Variants in KIAA0513 observed in about 807,000 individuals in gnomAD.
KIAA0513 encodes the protein KIAA0513.
Under a neutral mutation model 56.5 loss-of-function variants are expected in KIAA0513, and 39 were observed. That is an observed-to-expected ratio of 0.69 (90% CI 0.53 to 0.90). The LOEUF (loss-of-function observed/expected upper bound fraction) is 0.90. Among genes scored for constraint, KIAA0513 ranks in the 40% least tolerant of loss-of-function variants. KIAA0513 has a pLI of 0.00. For synonymous variants in KIAA0513, 268 were observed against 215.6 expected, an observed-to-expected ratio of 1.24 and a Z score of -2.13; for missense variants, 591 against 535.2, an observed-to-expected ratio of 1.10 and a Z score of -1.03.
intron 10 of KIAA0513, among the ~76,000 whole-genome samples, chr16:85,084,668 G>T (rs1229284030): frequency 6.6e-6 from 1 of 152,052 alleles, no homozygotes; most frequent in Non-Finnish European, 1.5e-5. Flanking sequence ...ACCTCAGGTG[G>T]TCCACCTGTC....
intron 2 of KIAA0513, among the ~76,000 whole-genome samples, chr16:85,070,539 G>A (rs185530438): frequency 9.3e-4 from 141 of 152,242 alleles, no homozygotes; most frequent in Middle Eastern, 3.4e-3. Context: ...TTAGCTGGGC[G>A]TGGTGGCAGG....
At chr16:85,044,452 G>A (rs891419497) in intron 1 of KIAA0513, among the ~76,000 whole-genome samples, 1 of 152,084 alleles carries the variant, frequency 6.6e-6, no homozygotes, top group East Asian at 1.9e-4. Context: ...CTGCTGTTCT[G>A]GAAACATAGT....
chr16:85,028,826 T>C (rs1439933214), intron 1 of KIAA0513, among the ~76,000 whole-genome samples: 1 of 152,028 alleles, frequency 6.6e-6, no homozygotes, highest in Admixed American at 6.6e-5. Context: ...GCCCCTGACG[T>C]GGAAGTAGTG....
At chr16:85,050,527 G>C (rs879370776) in intron 1 of KIAA0513, among the ~76,000 whole-genome samples, 47 of 151,976 alleles carry the variant, frequency 3.1e-4, no homozygotes, top group Non-Finnish European at 6.2e-4. Flanking sequence ...TGTTGGCCAG[G>C]CTGGTCTCGA....
intron 1 of KIAA0513, among the ~76,000 whole-genome samples, chr16:85,050,378 C>T (rs2073235573): frequency 1.4e-5 from 2 of 147,274 alleles, no homozygotes. Flanking sequence ...GAGACGGACT[C>T]TTGTTCTGTC....
intron 12 of KIAA0513, among the ~76,000 whole-genome samples, chr16:85,087,721 G>T (rs1016732637): frequency 1.3e-5 from 2 of 152,216 alleles, no homozygotes; most frequent in Non-Finnish European, 2.9e-5. Context: ...CTTCTTCATC[G>T]AAAAGGACTT....
At chr16:85,064,318 T>C (rs28526601) in intron 1 of KIAA0513, among the ~76,000 whole-genome samples, 12,976 of 152,162 alleles carry the variant, frequency 0.085, 1,793 homozygotes, top group African/African-American at 0.29. Flanking sequence ...TTTTACTATA[T>C]TTAGGTATTT....
rs764686911 is a variant in KIAA0513 at position 85,050,346 on chromosome 16, TATTTATTTA to T, written c.-172-16553_-172-16545del. ...ATTGATATTTATTTATTTATTTATT[TATTTATTTA>T]TTTATTTTTTTTGAGACGGACTCTT... On this transcript the variant is annotated intron_variant, in intron 1 of 12. Transcript: ENST00000683363. Among the ~76,000 whole-genome samples the T allele has an allele frequency of 4.6e-4, 56 of 122,512 alleles. 1 individual carries two copies. Among genetic ancestry groups the T allele is most frequent in the African/African-American group, 2.2e-3 (56 of 25,746 alleles). 80.4% of individuals were successfully genotyped at this position (122,512 alleles called of 152,430 possible). A position where few individuals can be genotyped will look rare whatever the true frequency, so the allele number is the denominator to read the frequency against.
At position 85,044,992 on chromosome 16, in the gene KIAA0513, C is replaced by T. The variant is rs192826045; in HGVS notation, c.-173+17134C>T. On this transcript the variant is annotated intron_variant, in intron 1 of 12. Coordinates refer to ENST00000683363, the MANE Select transcript of KIAA0513 (RefSeq NM_001388359.1). Reference sequence around the variant, plus strand: ...AATTAGCCGGGCGTGGTGGTGGGCACCTGTAGTCCCAGCTACTTGGGAGGC... The same window carrying T: ...AATTAGCCGGGCGTGGTGGTGGGCATCTGTAGTCCCAGCTACTTGGGAGGC... Among the ~76,000 whole-genome samples, 410 of 152,174 alleles carry T rather than the reference C, an allele frequency of 2.7e-3. 4 individuals are homozygous for T. The highest frequency in any genetic ancestry group is 8.7e-3 in the African/African-American group (361 of 41,534).
chr16:85,070,879 C>T (rs1022994065), intron 2 of KIAA0513, among the ~76,000 whole-genome samples: 21 of 152,098 alleles, frequency 1.4e-4, no homozygotes, highest in African/African-American at 5.1e-4. Flanking sequence ...TGCAGTAGCC[C>T]ATCAGCAATA....
intron 1 of KIAA0513, among the ~76,000 whole-genome samples, chr16:85,043,869 C>A (rs1360066697): frequency 6.6e-6 from 1 of 152,096 alleles, no homozygotes; most frequent in Non-Finnish European, 1.5e-5. Context: ...CCCATCTCTA[C>A]TAAAAATACA....
chr16:85,055,023 A>T (rs1042062188), intron 1 of KIAA0513, among the ~76,000 whole-genome samples: 1 of 152,074 alleles, frequency 6.6e-6, no homozygotes, highest in Non-Finnish European at 1.5e-5. Context: ...CCTGGACTCA[A>T]GCAGTCCTCC....
chr16:85,059,541 A>C (rs936315031), intron 1 of KIAA0513, among the ~76,000 whole-genome samples: 1 of 152,222 alleles, frequency 6.6e-6, no homozygotes, highest in African/African-American at 2.4e-5. Context: ...ATCAGATGCC[A>C]GGTCTGCCTG....
In KIAA0513 at chr16:85,067,046, A is replaced by G. The variant is rs2073492947; in HGVS notation, c.-26A>G. 2 of 1,518,154 alleles carry G rather than the reference A, an allele frequency of 1.3e-6. No homozygotes were observed. Among genetic ancestry groups the G allele is most frequent in the Non-Finnish European group, 8.8e-7 (1 of 1,134,524 alleles). 94.0% of individuals were successfully genotyped at this position (1,518,154 alleles called of 1,614,324 possible). On this transcript the variant is annotated 5_prime_UTR_variant, in exon 2 of 13. Transcript: ENST00000683363. Reference sequence around the variant, plus strand: ...CCTCTAGGCAGCCTCCCCTCCAGGCAGCCTCACCAGCAGCTCCCCTGAGCC... The same window carrying G: ...CCTCTAGGCAGCCTCCCCTCCAGGCGGCCTCACCAGCAGCTCCCCTGAGCC...
Position 85,088,259 on chromosome 16 carries a change from A to T in KIAA0513, c.1187-17A>T, listed in dbSNP as rs1306086457. The T allele has an allele frequency of 6.2e-7, 1 of 1,610,448 alleles. No individual in the cohort carries two copies. The highest frequency in any genetic ancestry group is 1.1e-5 in the South Asian group (1 of 91,036). On this transcript the variant is annotated splice_polypyrimidine_tract_variant and intron_variant, in intron 12 of 12. Transcript: ENST00000683363. ...CACTGTCTTTCATCTGAGAAATAAC[A>T]TCACTTTCTCTTCCAGAGCAATACA... is the stretch of plus-strand genomic sequence containing the variant.
intron 1 of KIAA0513, among the ~76,000 whole-genome samples, chr16:85,044,749 G>A (rs549575817): frequency 2.0e-5 from 3 of 151,828 alleles, no homozygotes; most frequent in East Asian, 2.0e-4. Flanking sequence ...CTCATGATCC[G>A]CCTGTCTCAG....
intron 1 of KIAA0513, among the ~76,000 whole-genome samples, chr16:85,038,851 C>G (rs765569304): frequency 6.6e-6 from 1 of 151,986 alleles, no homozygotes; most frequent in African/African-American, 2.4e-5. Context: ...TGTCCAAAGT[C>G]TGAAGTCTGA....
chr16:85,088,135 C>T, intron 12 of KIAA0513, 141 bp from the exon 13 acceptor site: 1 of 738,430 alleles, frequency 1.4e-6, no homozygotes, highest in South Asian at 1.6e-5. Context: ...GCCGTGTGGC[C>T]TGCAGAAGGC....
chr16:85,087,238 C>T (rs974054955), intron 12 of KIAA0513, 72 bp downstream of exon 12: 36 of 1,204,356 alleles, frequency 3.0e-5, no homozygotes, highest in Middle Eastern at 1.9e-4. Flanking sequence ...TGCCCGCTGG[C>T]GCTTCTGCAC....
Sources: allele counts gnomAD v4.1 joint callset (sites outside exome capture counted in the v4.1 genomes callset), GRCh38; gene constraint gnomAD v4.1.1; transcripts MANE v1.5; gene names NCBI Gene and HGNC (gene_info 2026-07-23, HGNC 2026-07-21).